The following RBM33 variants were observed in gnomAD, a reference collection of about 807,000 sequenced individuals.
RBM33 encodes the protein RNA-binding protein 33.
RBM33 carries 28 observed loss-of-function variants against 132.6 expected under a neutral mutation model. The observed-to-expected ratio is 0.21, with a 90% confidence interval of 0.16 to 0.29. RBM33 has a LOEUF of 0.29. Ranked by LOEUF, RBM33 falls within the 10% of genes least tolerant of loss-of-function variation. The pLI is 1.00. For synonymous variants in RBM33, 634 were observed against 593.0 expected, an observed-to-expected ratio of 1.07 and a Z score of -1.01; for missense variants, 1,291 against 1,518.5, an observed-to-expected ratio of 0.85 and a Z score of 2.49.
intron 6 of RBM33, 166 bp from the exon 7 acceptor site, chr7:155,706,694 T>C: frequency 1.7e-6 from 1 of 595,400 alleles, no homozygotes; most frequent in Non-Finnish European, 3.0e-6. Context: ...GGGTTGTGTG[T>C]GTTGCTGGTT....
chr7:155,772,804 G>A (rs970035108), intron 16 of RBM33, among the ~76,000 whole-genome samples: 24 of 152,320 alleles, frequency 1.6e-4, no homozygotes, highest in East Asian at 5.8e-4. Context: ...CTGTGCGCAG[G>A]CCTTCTTGAT....
chr7:155,735,111 A>G (rs530865186), intron 9 of RBM33, among the ~76,000 whole-genome samples: 1 of 152,342 alleles, frequency 6.6e-6, no homozygotes, highest in Non-Finnish European at 1.5e-5. Context: ...TCATATTGAT[A>G]TACAAAACTA....
chr7:155,722,457 TTC>T (rs1438826385), intron 9 of RBM33, among the ~76,000 whole-genome samples: 2 of 152,252 alleles, frequency 1.3e-5, no homozygotes, highest in East Asian at 3.8e-4. Context: ...ACACTTTAAA[TTC>T]TGTTTTCCAT....
chr7:155,712,716 T>A (rs1800341585), intron 8 of RBM33, among the ~76,000 whole-genome samples: 1 of 152,194 alleles, frequency 6.6e-6, no homozygotes, highest in Admixed American at 6.5e-5. Flanking sequence ...CTGCCTTGTG[T>A]GTTTGAGTAG....
At chr7:155,686,150 G>C (rs1342490054) in intron 5 of RBM33, among the ~76,000 whole-genome samples, 1 of 152,216 alleles carries the variant, frequency 6.6e-6, no homozygotes, top group Non-Finnish European at 1.5e-5. Context: ...CTCTTACCCA[G>C]ATTCTCCAGT....
At chr7:155,707,341 C>T (rs1800146736) in intron 7 of RBM33, 2 of 578,118 alleles carry the variant, frequency 3.5e-6, no homozygotes, top group South Asian at 3.1e-5. Flanking sequence ...CCTAAGATGA[C>T]ATAAGCTGTT....
chr7:155,672,764 A>C, intron 2 of RBM33, 103 bp from the exon 3 acceptor site: 1 of 513,290 alleles, frequency 1.9e-6, no homozygotes, highest in Non-Finnish European at 3.2e-6. Context: ...AAAAAAAAAA[A>C]AGGTACCTGA....
intron 1 of RBM33, among the ~76,000 whole-genome samples, chr7:155,662,973 T>C (rs1006756539): frequency 3.7e-4 from 56 of 152,222 alleles, no homozygotes; most frequent in Non-Finnish European, 3.4e-4. Context: ...CCATTAATTC[T>C]TGCTGCCATT....
chr7:155,728,189 G>A (rs976975765), intron 9 of RBM33, among the ~76,000 whole-genome samples: 1 of 152,164 alleles, frequency 6.6e-6, no homozygotes, highest in African/African-American at 2.4e-5. Context: ...TGATATGCGG[G>A]CATTTGTCAT....
chr7:155,722,108 T>G (rs1226170741), intron 9 of RBM33, among the ~76,000 whole-genome samples: 1 of 152,204 alleles, frequency 6.6e-6, no homozygotes, highest in African/African-American at 2.4e-5. Context: ...GCACGTTAGT[T>G]CTGAACTCTG....
At chr7:155,723,319 A>G (rs1218524863) in intron 9 of RBM33, among the ~76,000 whole-genome samples, 3 of 152,214 alleles carry the variant, frequency 2.0e-5, no homozygotes, top group Admixed American at 6.5e-5. Flanking sequence ...AATGCCTTAT[A>G]ATTACCAGCA....
intron 9 of RBM33, among the ~76,000 whole-genome samples, chr7:155,720,701 G>C (rs1292182507): frequency 6.6e-6 from 1 of 152,168 alleles, no homozygotes; most frequent in South Asian, 2.1e-4. Context: ...TAAAATTTAA[G>C]AATAGTGAAG....
At chr7:155,673,940 G>GTTGTTGTTTGTTGTTTTTTTTTTT in intron 3 of RBM33, among the ~76,000 whole-genome samples, 2 of 54,214 alleles carry the variant, frequency 3.7e-5, no homozygotes, top group Non-Finnish European at 6.5e-5. Flanking sequence ...TTTAGGCTTA[G>GTTGTTGTTTGTTGTTTTTTTTTTT]TTTTTTTTTT....
At chr7:155,652,719 A>AAATC (rs1798389439) in intron 1 of RBM33, among the ~76,000 whole-genome samples, 1 of 152,196 alleles carries the variant, frequency 6.6e-6, no homozygotes, top group South Asian at 2.1e-4. Flanking sequence ...TAAGGAGGTC[A>AAATC]TTGACCTCTT....
At chr7:155,663,030 G>C (rs1475076741) in intron 1 of RBM33, among the ~76,000 whole-genome samples, 2 of 152,070 alleles carry the variant, frequency 1.3e-5, no homozygotes, top group East Asian at 3.8e-4. Context: ...CTTTTCATTT[G>C]TTGTATGTCC....
At chr7:155,705,819 G>A (rs1356268787) in intron 6 of RBM33, among the ~76,000 whole-genome samples, 1 of 152,298 alleles carries the variant, frequency 6.6e-6, no homozygotes, top group Admixed American at 6.5e-5. Context: ...AAAGCATTGG[G>A]CAGAGCAGTG....
At chr7:155,673,850 A>C (rs1284005337) in intron 3 of RBM33, among the ~76,000 whole-genome samples, 1 of 150,948 alleles carries the variant, frequency 6.6e-6, no homozygotes, top group African/African-American at 2.4e-5. Flanking sequence ...AGTAGAATGT[A>C]TAGCGAGAAA....
In RBM33 at chr7:155,678,598, T is replaced by A; in HGVS notation, c.172-10T>A. 1 of 1,496,170 alleles carries A rather than the reference T, an allele frequency of 6.7e-7. No homozygotes were observed. The highest frequency in any genetic ancestry group is 1.2e-5 in the South Asian group (1 of 81,326). The allele number at this position is 1,496,170 out of a possible 1,614,324, so 92.7% of individuals were successfully genotyped here. A position where few individuals can be genotyped will look rare whatever the true frequency, so the allele number is the denominator to read the frequency against. ...TGACACACATTAATTATATTTCTTA[T>A]TTTAATTAGAATCAGTCGGATTTGT... On this transcript the variant is annotated splice_polypyrimidine_tract_variant and intron_variant, in intron 3 of 17. Transcript: ENST00000401878.
chr7:155,685,198 C>T, intron 5 of RBM33: 2 of 787,144 alleles, frequency 2.5e-6, no homozygotes, highest in Non-Finnish European at 3.9e-6. Flanking sequence ...TTCTAGGCTC[C>T]TTGGGAAGTG....
Sources: gnomAD v4.1 joint callset for allele counts (sites outside exome capture counted in the v4.1 genomes callset) on GRCh38, gnomAD v4.1.1 for gene constraint, MANE v1.5 for transcripts, NCBI Gene and HGNC (gene_info 2026-07-23, HGNC 2026-07-21) for gene names.